Variants in PGAP2 observed in about 807,000 individuals in gnomAD.
PGAP2 encodes acyltransferase PGAP2.
PGAP2 carries 21 observed loss-of-function variants against 33.2 expected under a neutral mutation model. The ratio of observed to expected loss-of-function variants is 0.63; its 90% CI spans 0.45 to 0.91. The LOEUF is 0.91. PGAP2 is among the 40% of genes least tolerant of loss of function. The pLI, the probability that PGAP2 is intolerant of heterozygous loss-of-function variation, is 0.00. For missense variants in PGAP2, 345 were observed against 424.0 expected, an observed-to-expected ratio of 0.81 and a Z score of 1.64; for synonymous variants, 161 against 172.9, an observed-to-expected ratio of 0.93 and a Z score of 0.54.
intron 3 of PGAP2, among the ~76,000 whole-genome samples, chr11:3,819,461 A>G (rs16929738): frequency 0.02 from 3,078 of 151,922 alleles, 99 homozygotes; most frequent in African/African-American, 0.071. Flanking sequence ...TTGACAGCAA[A>G]TGGAGTTTTT....
At chr11:3,800,437 C>G (rs771774016) in intron 1 of PGAP2, among the ~76,000 whole-genome samples, 5 of 151,994 alleles carry the variant, frequency 3.3e-5, no homozygotes, top group Admixed American at 1.3e-4. Context: ...GTCAGAGAAC[C>G]CTGGTTTAAA....
At chr11:3,806,409 G>C (rs942927666), upstream of PGAP2, among the ~76,000 whole-genome samples, 27 of 152,104 alleles carry the variant, frequency 1.8e-4, no homozygotes, top group Admixed American at 1.5e-3. Flanking sequence ...AAGAAAAGTA[G>C]TTTTTAGAAC....
chr11:3,823,770 G>A, intron 3 of PGAP2, 113 bp from the exon 4 acceptor site: 2 of 1,599,048 alleles, frequency 1.3e-6, no homozygotes, highest in Non-Finnish European at 1.7e-6. Flanking sequence ...AGGACTTCTT[G>A]GAAGGGGAGG....
chr11:3,800,995 G>T (rs986691726), intron 1 of PGAP2, among the ~76,000 whole-genome samples: 6 of 151,328 alleles, frequency 4.0e-5, no homozygotes, highest in African/African-American at 1.5e-4. Flanking sequence ...TTAGCCGGGT[G>T]TGGTGGCTCA....
At position 3,808,652 on chromosome 11, in the gene PGAP2, G is replaced by A; in HGVS notation, c.-11+1G>A. On this transcript the variant is annotated splice_donor_variant, in intron 1 of 6. Coordinates refer to ENST00000278243, the MANE Select transcript of PGAP2 (RefSeq NM_014489.4). LOFTEE classifies it low-confidence loss of function (5UTR_SPLICE). The stretch of plus-strand genomic sequence containing the variant: ...CGGCACTCTCGCCACCACCGCGTGG[G>A]TGAGTATGGGCATGGATGTGCTGGG... 1.6e-6 allele frequency: 2 copies of A among 1,255,870 alleles called. No individual in the cohort carries two copies. The highest frequency in any genetic ancestry group is 2.0e-6 in the Non-Finnish European group (2 of 993,634). The allele number at this position is 1,255,870 out of a possible 1,614,324, so 77.8% of individuals were successfully genotyped here.
chr11:3,799,954 G>A (rs1377799533), intron 1 of PGAP2, among the ~76,000 whole-genome samples: 1 of 152,086 alleles, frequency 6.6e-6, no homozygotes, highest in Non-Finnish European at 1.5e-5. Context: ...GGCAACAGAC[G>A]GAGCCTCCGA....
rs1028108101 is a variant in PGAP2, at chr11:3,824,648, C to T, written c.708+272C>T. ...GATAGAATGAGGAGTCGCATCTAGG[C>T]GGCAGTGAGTTAGGAACAGTGTCAG... On this transcript the variant is annotated intron_variant, in intron 5 of 6. Transcript: ENST00000278243. The T allele has an allele frequency of 4.0e-5, 28 of 708,220 alleles. No homozygotes were observed. In the Admixed American group the frequency reaches 5.2e-4, roughly 13 times the overall value. The allele number at this position is 708,220 out of a possible 1,614,324, so 43.9% of individuals were successfully genotyped here.
chr11:3,819,501 C>T (rs1227591767), intron 3 of PGAP2, among the ~76,000 whole-genome samples: 2 of 151,634 alleles, frequency 1.3e-5, no homozygotes, highest in South Asian at 2.1e-4. Context: ...GGGGACAGTA[C>T]GGTAGCTAGA....
At chr11:3,797,834 G>C (rs769606483) in exon 1 of PGAP2, 1 of 1,550,168 alleles carries the variant, frequency 6.5e-7, no homozygotes, top group South Asian at 1.2e-5. Flanking sequence ...CTCTCGAAGT[G>C]GGCTTGTGAA....
upstream of PGAP2, among the ~76,000 whole-genome samples, chr11:3,805,257 T>C (rs1330081727): frequency 6.8e-6 from 1 of 148,116 alleles, no homozygotes; most frequent in Non-Finnish European, 1.5e-5. Context: ...GATGTGGATA[T>C]TCTTTTTTTT....
At chr11:3,809,564 A>G (rs1202586300) in intron 1 of PGAP2, among the ~76,000 whole-genome samples, 1 of 152,180 alleles carries the variant, frequency 6.6e-6, no homozygotes, top group Non-Finnish European at 1.5e-5. Context: ...GTGGTTCCTC[A>G]GGGATCTAGA....
intron 3 of PGAP2, among the ~76,000 whole-genome samples, chr11:3,820,030 G>A (rs1408902679): frequency 1.3e-5 from 2 of 152,182 alleles, no homozygotes; most frequent in Admixed American, 6.5e-5. Flanking sequence ...GTTCCCAACA[G>A]TGGTCAGGGT....
At chr11:3,799,633 G>A (rs182805607) in intron 1 of PGAP2, among the ~76,000 whole-genome samples, 43 of 152,188 alleles carry the variant, frequency 2.8e-4, no homozygotes, top group Non-Finnish European at 5.6e-4. Flanking sequence ...CTGGGTTTTC[G>A]GTGATGGCAA....
chr11:3,822,786 C>G (rs2089110952), intron 3 of PGAP2: 3 of 547,770 alleles, frequency 5.5e-6, no homozygotes, highest in Non-Finnish European at 9.7e-6. Context: ...AGAGCCTCTT[C>G]CCATCTTTGG....
intron 1 of PGAP2, among the ~76,000 whole-genome samples, chr11:3,802,651 T>G (rs960203336): frequency 1.5e-4 from 23 of 152,164 alleles, no homozygotes; most frequent in Non-Finnish European, 2.6e-4. Context: ...CTGTAAGGAC[T>G]GCAGAATTGT....
intron 2 of PGAP2, among the ~76,000 whole-genome samples, chr11:3,814,788 CTTTCTTTCTTTCTTTCTTTCTTTCTCTT>C (rs1253988512): frequency 6.4e-5 from 7 of 108,708 alleles, no homozygotes; most frequent in African/African-American, 8.5e-5. Flanking sequence ...TTCTTTCTTT[CTTTCTTTCTTTCTTTCTTTCTTTCTCTT>C]TCTTTCTTTT....
intron 1 of PGAP2, among the ~76,000 whole-genome samples, chr11:3,799,231 T>C (rs1288395300): frequency 6.6e-6 from 1 of 152,212 alleles, no homozygotes; most frequent in African/African-American, 2.4e-5. Flanking sequence ...TAGCAGGAAC[T>C]GTGCGCAGAA....
rs757825844 is a variant in PGAP2, at chr11:3,817,434, A to G, written c.247A>G (p.Met83Val). 7.4e-6 allele frequency: 12 copies of G among 1,613,836 alleles called. No homozygotes were observed. The African/African-American group carries it at 8.0e-5, about 11-fold the overall frequency. ...CTTGTTCCGGCTTCGCTTCACAGCC[A>G]TGGTCTGGTGGGCCATCACTTTTCC... ...GTLFRLRFTA[M>V]VWWAITFPVF... The change falls in exon 3 of 7, where the codon ATG becomes GTG. Residue 83 changes from methionine (M) to valine (V), a missense_variant. Met to Val is a conservative substitution (Grantham distance 21). Around this residue, in one of 2 missense-constraint regions of PGAP2, gnomAD observed 311 missense variants for 353.6 expected, o/e 0.88. Transcript: ENST00000278243.
rs1330637943 is a variant in PGAP2 at position 3,819,840 on chromosome 11, CTG to C, written c.348+2311_348+2312del. On this transcript the variant is annotated intron_variant, in intron 3 of 6. Coordinates refer to ENST00000278243, the MANE Select transcript of PGAP2 (RefSeq NM_014489.4). ...CATGTACCTGATTGTGTGTATGTGT[CTG>C]TGTGTATATGTGCGTGTGTGTGTAC... is the stretch of plus-strand genomic sequence containing the variant. Among the ~76,000 whole-genome samples, 3 of 151,886 alleles carry C rather than the reference CTG, an allele frequency of 2.0e-5. No homozygotes were observed. The East Asian group carries it at 5.8e-4, about 29-fold the overall frequency.
Sources: gnomAD v4.1 joint callset for allele counts (sites outside exome capture counted in the v4.1 genomes callset) on GRCh38, gnomAD v4.1.1 for gene constraint, gnomAD v4.1.1 regional missense constraint, MANE v1.5 for transcripts, NCBI Gene and HGNC (gene_info 2026-07-23, HGNC 2026-07-21) for gene names.